Variants in SDK1 observed in about 807,000 individuals in gnomAD.
SDK1 encodes the protein protein sidekick-1.
A neutral mutation model predicts 245.5 loss-of-function variants in SDK1; 157 were observed. The observed-to-expected ratio is 0.64, with a 90% CI of 0.56 to 0.73. The LOEUF is 0.73. SDK1 is among the 30% of genes least tolerant of loss of function. The pLI is 0.00. For synonymous variants in SDK1, 1,647 were observed against 1,278.5 expected (o/e 1.29, Z -6.15); for missense variants, 3,583 against 3,002.3 (o/e 1.19, Z -4.52).
chr7:3,707,998 T>A (rs1784940361), intron 4 of SDK1, among the ~76,000 whole-genome samples: 1 of 151,718 alleles, frequency 6.6e-6, no homozygotes. Flanking sequence ...GAGTAATTTA[T>A]TTTTTTTTAA....
At chr7:4,137,157 C>T (rs747123532) in intron 28 of SDK1, among the ~76,000 whole-genome samples, 22 of 152,196 alleles carry the variant, frequency 1.4e-4, no homozygotes, top group Non-Finnish European at 2.5e-4. Flanking sequence ...TAGCTGGGCA[C>T]GGTGGCACAC....
In SDK1 at chr7:4,026,285, G is replaced by A. The variant is rs1412448175; in HGVS notation, c.2602+8933G>A. ...GAGGAAGAGGAAGAGACACCAAGTC[G>A]GCAGGAGCCCAAGCGAGTGGCCAGA... On this transcript the variant is annotated intron_variant, in intron 17 of 44. Coordinates refer to ENST00000404826, the MANE Select transcript of SDK1 (RefSeq NM_152744.4). This position sits in a 1 kb window ranked among gnomAD's most constrained non-coding sequence, Gnocchi z 4.1. Among the ~76,000 whole-genome samples the A allele has an allele frequency of 2.0e-5, 3 of 152,260 alleles. No homozygotes were observed. Among genetic ancestry groups the A allele is most frequent in the East Asian group, 1.9e-4 (1 of 5,196 alleles).
chr7:4,111,263 C>T lies in SDK1; in HGVS notation c.3434+491C>T, dbSNP rs78848641. 6.9e-3 allele frequency among the ~76,000 whole-genome samples: 1,057 copies of T among 152,242 alleles called. 9 individuals carry two copies. Among genetic ancestry groups the T allele is most frequent in the African/African-American group, 0.024 (1,011 of 41,536 alleles). ...AGCTTCTTGAACCCCGAAACTGATC[C>T]GGGCAGTAAATCCTTGGCTTTAACA... is the stretch of plus-strand genomic sequence containing the variant. On this transcript the variant is annotated intron_variant, in intron 23 of 44. Transcript: ENST00000404826.
rs570574978 is a variant in SDK1, at chr7:4,174,342, C to T, written c.4921C>T (p.His1641Tyr). The T allele has an allele frequency of 1.1e-4, 179 of 1,613,864 alleles. 3 individuals carry two copies. In the South Asian group the frequency reaches 1.5e-3, roughly 14 times the overall value. Residue 1641 changes from histidine to tyrosine, a missense_variant, in exon 33 of 45, where the codon CAT becomes TAT. By Grantham distance (83) the His-to-Tyr change is moderately conservative (BLOSUM62 2). Transcript: ENST00000404826. ...AKTLKNPIAL[H>Y]AELTAQSSFK... The stretch of plus-strand genomic sequence containing the variant: ...GACGCTCAAAAACCCTATAGCTTTA[C>T]ATGCTGAGCTCACAGGTGAGACTGT...
At chr7:3,498,196 C>G (rs775102786) in intron 1 of SDK1, among the ~76,000 whole-genome samples, 38 of 152,164 alleles carry the variant, frequency 2.5e-4, no homozygotes, top group Non-Finnish European at 2.8e-4. Flanking sequence ...TGAAAACACT[C>G]AAAGCCTGCC....
At chr7:3,626,374 C>G (rs1199565341) in intron 2 of SDK1, among the ~76,000 whole-genome samples, 1 of 152,234 alleles carries the variant, frequency 6.6e-6, no homozygotes, top group Non-Finnish European at 1.5e-5. Flanking sequence ...GCTATAGTTT[C>G]TAACAAGGAC....
chr7:4,144,120 TGTGGGGGAAGGGGAGGC>T (rs1255574497), intron 28 of SDK1, among the ~76,000 whole-genome samples: 49 of 71,200 alleles, frequency 6.9e-4, no homozygotes, highest in Non-Finnish European at 1.2e-3. Context: ...TACACAGGGG[TGTGGGGGAAGGGGAGGC>T]GTGGGGGAAG....
chr7:3,536,831 T>C (rs1778903173), intron 1 of SDK1, among the ~76,000 whole-genome samples: 1 of 152,222 alleles, frequency 6.6e-6, no homozygotes, highest in Admixed American at 6.5e-5. Context: ...TAACAATTGA[T>C]ATTTTATTGG....
intron 4 of SDK1, among the ~76,000 whole-genome samples, chr7:3,656,578 C>T (rs1187348229): frequency 1.3e-5 from 2 of 152,032 alleles, no homozygotes; most frequent in Admixed American, 1.3e-4. Flanking sequence ...GGGCAGGGTC[C>T]TTAAGAGCTG....
intron 1 of SDK1, among the ~76,000 whole-genome samples, chr7:3,530,750 A>T (rs912649425): frequency 5.3e-5 from 8 of 152,334 alleles, no homozygotes; most frequent in Middle Eastern, 3.4e-3. Flanking sequence ...ATGCAAACAC[A>T]GAATATCAGC....
At chr7:3,640,033 T>G (rs1369005422) in intron 3 of SDK1, among the ~76,000 whole-genome samples, 1 of 151,982 alleles carries the variant, frequency 6.6e-6, no homozygotes, top group Non-Finnish European at 1.5e-5. Flanking sequence ...TTTCTTTTGT[T>G]TTTGGTAGGG....
At chr7:3,385,258 T>G (rs890064623) in intron 1 of SDK1, among the ~76,000 whole-genome samples, 3 of 152,132 alleles carry the variant, frequency 2.0e-5, no homozygotes, top group Admixed American at 1.3e-4. Context: ...ATAGAAGACA[T>G]CAAAAACTTA....
intron 5 of SDK1, among the ~76,000 whole-genome samples, chr7:3,853,541 T>C (rs771686100): frequency 6.6e-6 from 1 of 152,226 alleles, no homozygotes; most frequent in Non-Finnish European, 1.5e-5. Flanking sequence ...TTCAAAATTC[T>C]TGGGACCAGA....
At chr7:3,792,613 CCCATCCATCCATCCAT>C (rs3084872) in intron 4 of SDK1, among the ~76,000 whole-genome samples, 2 of 148,450 alleles carry the variant, frequency 1.3e-5, no homozygotes, top group Admixed American at 6.7e-5. Context: ...CTTTCTCCCT[CCCATCCATCCATCCAT>C]CCATCCATCC....
In SDK1 at chr7:3,951,774, G is replaced by T; in HGVS notation, c.1004G>T (p.Arg335Ile). 6.2e-7 allele frequency: 1 copy of T among 1,613,904 alleles called. No homozygotes were observed. The highest frequency in any genetic ancestry group is 8.5e-7 in the Non-Finnish European group (1 of 1,180,016). Residue 335 changes from arginine to isoleucine, a missense_variant, in exon 7 of 45, where the codon AGA becomes ATA. Arg to Ile is a moderately conservative substitution (Grantham distance 97). Transcript: ENST00000404826. ...LSVTWKRNGV[R>I]ITSGLHSFGR... ...GTGACCTGGAAGAGGAATGGAGTGA[G>T]AATCACCAGTGGCCTCCACAGCTTT...
intron 35 of SDK1, among the ~76,000 whole-genome samples, chr7:4,198,034 G>T (rs1401312930): frequency 2.6e-5 from 4 of 152,224 alleles, no homozygotes; most frequent in Non-Finnish European, 4.4e-5. Context: ...CTAAGGCAGC[G>T]AGGCCCTGTG....
chr7:3,638,674 A>G (rs1400175422), intron 2 of SDK1, among the ~76,000 whole-genome samples: 1 of 149,800 alleles, frequency 6.7e-6, no homozygotes, highest in East Asian at 2.0e-4. Flanking sequence ...TAGGAGATAT[A>G]CCTAATGCTA....
At chr7:3,576,068 A>G (rs2614973) in intron 1 of SDK1, among the ~76,000 whole-genome samples, 3,782 of 152,200 alleles carry the variant, frequency 0.025, 92 homozygotes, top group Non-Finnish European at 0.041. Context: ...AAAATCACAA[A>G]CCTGACTTTA....
At chr7:4,010,710 C>T (rs1785877201) in intron 14 of SDK1, among the ~76,000 whole-genome samples, 1 of 152,102 alleles carries the variant, frequency 6.6e-6, no homozygotes, top group Non-Finnish European at 1.5e-5. Flanking sequence ...TTTAAACCGC[C>T]GTATGCAGGT....
Sources: gnomAD v4.1 joint callset for allele counts (sites outside exome capture counted in the v4.1 genomes callset) on GRCh38, gnomAD v4.1.1 for gene constraint, Gnocchi (gnomAD v3.1) non-coding constraint, MANE v1.5 for transcripts, NCBI Gene and HGNC (gene_info 2026-07-23, HGNC 2026-07-21) for gene names.